HS3ST5: variants seen among roughly 807,000 people sequenced by gnomAD.
HS3ST5 encodes heparan sulfate-glucosamine 3-sulfotransferase 5, also known as heparan sulfate glucosamine 3-O-sulfotransferase 5.
Under a neutral mutation model 25.4 loss-of-function variants are expected in HS3ST5, and 10 were observed. The observed-to-expected ratio is 0.39, with a 90% confidence interval of 0.24 to 0.67. The LOEUF (loss-of-function observed/expected upper bound fraction) is 0.67, where lower values mean the gene tolerates loss of function less well. Among genes scored for constraint, HS3ST5 ranks in the 30% least tolerant of loss-of-function variants. The pLI, the probability that HS3ST5 is intolerant of heterozygous loss-of-function variation, is 0.44. For synonymous variants in HS3ST5, 170 were observed against 162.4 expected (o/e 1.05, Z -0.36); for missense variants, 324 against 420.7 (o/e 0.77, Z 2.01).
chr6:114,219,832 G>A (rs1050261460), intron 2 of HS3ST5, among the ~76,000 whole-genome samples: 1 of 152,054 alleles, frequency 6.6e-6, no homozygotes, highest in East Asian at 1.9e-4. Flanking sequence ...AGAAGATCCA[G>A]TTTTTAGCTT....
intron 3 of HS3ST5, among the ~76,000 whole-genome samples, chr6:114,161,035 C>T (rs2114981813): frequency 6.6e-6 from 1 of 152,178 alleles, no homozygotes. Context: ...TATGGGATTG[C>T]TCTGTCAGGA....
chr6:114,273,863 T>C (rs1773735199), intron 1 of HS3ST5, among the ~76,000 whole-genome samples: 1 of 151,964 alleles, frequency 6.6e-6, no homozygotes, highest in South Asian at 2.1e-4. Context: ...GATAGAGTCC[T>C]CACAGCTGTT....
intron 3 of HS3ST5, among the ~76,000 whole-genome samples, chr6:114,161,522 T>TATATATATATATAC (rs1778951642): frequency 1.1e-3 from 5 of 4,694 alleles, no homozygotes; most frequent in Non-Finnish European, 1.9e-3. Flanking sequence ...CCTGAAGTTT[T>TATATATATATATAC]ATATATATAT....
chr6:114,263,741 G>A (rs1773280674), intron 1 of HS3ST5, among the ~76,000 whole-genome samples: 1 of 152,162 alleles, frequency 6.6e-6, no homozygotes, highest in African/African-American at 2.4e-5. Flanking sequence ...AGGAGTGGGT[G>A]ACAAAGCATC....
chr6:114,336,280 A>C (rs1033308715), intron 1 of HS3ST5, among the ~76,000 whole-genome samples: 1 of 152,224 alleles, frequency 6.6e-6, no homozygotes, highest in East Asian at 1.9e-4. Flanking sequence ...GATATCAATG[A>C]AGTGGTATTT....
At chr6:114,067,987 A>C (rs1057457599) in intron 3 of HS3ST5, among the ~76,000 whole-genome samples, 1 of 152,180 alleles carries the variant, frequency 6.6e-6, no homozygotes, top group South Asian at 2.1e-4. Flanking sequence ...AAACAGTAGG[A>C]TAGAACTTTG....
chr6:114,302,860 A>G (rs920578391), intron 1 of HS3ST5, among the ~76,000 whole-genome samples: 3 of 152,210 alleles, frequency 2.0e-5, no homozygotes, highest in Non-Finnish European at 4.4e-5. Context: ...CTGAATATGG[A>G]TGAACAACTT....
chr6:114,075,864 G>T (rs1774093967), intron 3 of HS3ST5, among the ~76,000 whole-genome samples: 3 of 152,092 alleles, frequency 2.0e-5, no homozygotes, highest in Non-Finnish European at 2.9e-5. Context: ...TCGTCCTTGA[G>T]GCTCGTCTTT....
intron 3 of HS3ST5, among the ~76,000 whole-genome samples, chr6:114,140,392 G>T (rs373212480): frequency 1.3e-5 from 2 of 151,974 alleles, no homozygotes; most frequent in Non-Finnish European, 2.9e-5. Context: ...TTATTTAAAC[G>T]GTGTATTAAA....
At chr6:114,060,924 A>G (rs753803690) in intron 4 of HS3ST5, among the ~76,000 whole-genome samples, 26 of 152,048 alleles carry the variant, frequency 1.7e-4, no homozygotes, top group Non-Finnish European at 3.4e-4. Flanking sequence ...CTGAAAAATC[A>G]TACAGGTTTA....
chr6:114,257,007 A>C (rs1772956646), intron 1 of HS3ST5, among the ~76,000 whole-genome samples: 1 of 152,242 alleles, frequency 6.6e-6, no homozygotes, highest in East Asian at 1.9e-4. Flanking sequence ...AGAGAGAATG[A>C]GAACCAGGTA....
At chr6:114,062,590 A>G in intron 4 of HS3ST5, 149 bp downstream of exon 4, 3 of 604,032 alleles carry the variant, frequency 5.0e-6, no homozygotes, top group South Asian at 4.2e-5. Flanking sequence ...TTAAAGGCTC[A>G]GTAAATCAAA....
intron 2 of HS3ST5, among the ~76,000 whole-genome samples, chr6:114,171,673 T>G (rs1391213242): frequency 6.6e-6 from 1 of 152,154 alleles, no homozygotes; most frequent in African/African-American, 2.4e-5. Context: ...AATTCATACT[T>G]ATAATTCGTA....
chr6:114,301,604 C>A lies in HS3ST5; in HGVS notation c.-339+40591G>T, dbSNP rs1775077143. On this transcript the variant is annotated intron_variant, in intron 1 of 4. Transcript: ENST00000312719. ...TTGCATCAGCACCAGAGCTCCTTACCCCACACTCTTTCCTAAATATGGTAA... is the reference window on the plus strand; with the variant it reads ...TTGCATCAGCACCAGAGCTCCTTACACCACACTCTTTCCTAAATATGGTAA... Among the ~76,000 whole-genome samples, 5 of 151,920 alleles carry A rather than the reference C, an allele frequency of 3.3e-5. 1 individual carries two copies. The South Asian group carries it at 1.0e-3, about 32-fold the overall frequency.
rs537259070 is a variant in HS3ST5, at chr6:114,196,351, T to A, written c.-144-27889A>T. On this transcript the variant is annotated intron_variant, in intron 2 of 4. Transcript: ENST00000312719. ...TTCTTAGGATTTTCTGTTTTGCCTA[T>A]GAATTGGGGTGCAGGGAGACGGAGT... 3.3e-5 allele frequency among the ~76,000 whole-genome samples: 5 copies of A among 152,274 alleles called. No homozygotes were observed. In the East Asian group the frequency reaches 9.7e-4, roughly 29 times the overall value.
chr6:114,133,901 A>T (rs1455472652), intron 3 of HS3ST5, among the ~76,000 whole-genome samples: 1 of 152,034 alleles, frequency 6.6e-6, no homozygotes, highest in Admixed American at 6.6e-5. Flanking sequence ...GGAAGGACAG[A>T]GAGAGGCCAG....
chr6:114,340,225 T>C (rs1776770881), intron 1 of HS3ST5, among the ~76,000 whole-genome samples: 2 of 152,326 alleles, frequency 1.3e-5, no homozygotes, highest in African/African-American at 4.8e-5. Context: ...GCATGAGCTC[T>C]GGCTCAACCT....
rs940244411 is a variant in HS3ST5 at position 114,282,328 on chromosome 6, G to A, written c.-338-53550C>T. The stretch of plus-strand genomic sequence containing the variant: ...TTTCAAGCAGTCTGAGTTGAATCCT[G>A]CATTCTTGCCATATGCCAAGGGTTA... On this transcript the variant is annotated intron_variant, in intron 1 of 4. Coordinates refer to ENST00000312719, the MANE Select transcript of HS3ST5 (RefSeq NM_153612.4). Among the ~76,000 whole-genome samples the A allele has an allele frequency of 2.0e-5, 3 of 151,926 alleles. No individual in the cohort carries two copies. In the South Asian group the frequency reaches 6.2e-4, roughly 31 times the overall value.
Position 114,064,181 on chromosome 6 carries a change from T to C in HS3ST5, c.-32-1304A>G, listed in dbSNP as rs1417395763. On this transcript the variant is annotated intron_variant, in intron 3 of 4. Coordinates refer to ENST00000312719, the MANE Select transcript of HS3ST5 (RefSeq NM_153612.4). ...TAGAAATTGTTTTGCTGCAATGATATCTCTGTATTGCTATGTGAAGTTTTT... is the reference window on the plus strand; with the variant it reads ...TAGAAATTGTTTTGCTGCAATGATACCTCTGTATTGCTATGTGAAGTTTTT... Among the ~76,000 whole-genome samples, 4 of 152,316 alleles carry C rather than the reference T, an allele frequency of 2.6e-5. No homozygotes were observed. In the East Asian group the frequency reaches 7.7e-4, roughly 29 times the overall value.
Sources: allele counts gnomAD v4.1 joint callset (sites outside exome capture counted in the v4.1 genomes callset), GRCh38; gene constraint gnomAD v4.1.1; transcripts MANE v1.5; gene names NCBI Gene and HGNC (gene_info 2026-07-23, HGNC 2026-07-21).